The following TMEM232 variants were observed in gnomAD, a reference collection of about 807,000 sequenced individuals.
TMEM232 encodes transmembrane protein 232.
TMEM232 carries 80 observed loss-of-function variants against 78.8 expected under a neutral mutation model. The observed-to-expected ratio is 1.01, with a 90% CI of 0.85 to 1.22. The LOEUF (loss-of-function observed/expected upper bound fraction) is 1.22, where lower values mean the gene tolerates loss of function less well. TMEM232 is among the 50% of genes most tolerant of loss of function. TMEM232 has a pLI of 0.00. For missense variants in TMEM232, 881 were observed against 742.2 expected (o/e 1.19, Z -2.17); for synonymous variants, 297 against 254.3 (o/e 1.17, Z -1.60).
intron 11 of TMEM232, among the ~76,000 whole-genome samples, chr5:110,543,549 C>T (rs1457239153): frequency 6.6e-6 from 1 of 152,120 alleles, no homozygotes; most frequent in Non-Finnish European, 1.5e-5. Context: ...TTAACTTCTC[C>T]AGGACTGTTT....
At chr5:110,505,518 T>C (rs1192689730) in intron 12 of TMEM232, among the ~76,000 whole-genome samples, 6 of 152,190 alleles carry the variant, frequency 3.9e-5, no homozygotes, top group Non-Finnish European at 1.5e-5. Context: ...TTTCCTTTTT[T>C]CTTTTTGAAA....
At chr5:110,653,858 G>C (rs998326807) in intron 2 of TMEM232, among the ~76,000 whole-genome samples, 1 of 152,166 alleles carries the variant, frequency 6.6e-6, no homozygotes, top group Non-Finnish European at 1.5e-5. Flanking sequence ...TGTAAGTCAA[G>C]CATGAGGAAA....
chr5:110,431,524 T>A lies in TMEM232; in HGVS notation c.1704-6608A>T, dbSNP rs1358373538. On this transcript the variant is annotated intron_variant, in intron 12 of 13. Transcript: ENST00000455884. ...AACCAGGAGTCTTTGTCATTTTTAA[T>A]ACAAAAAATCCAGAATTCAATAAAA... Among the ~76,000 whole-genome samples, 3 of 151,732 alleles carry A rather than the reference T, an allele frequency of 2.0e-5. No individual in the cohort carries two copies. In the East Asian group the frequency reaches 5.8e-4, roughly 29 times the overall value.
chr5:110,442,390 G>A (rs902362239), intron 12 of TMEM232, among the ~76,000 whole-genome samples: 1 of 151,356 alleles, frequency 6.6e-6, no homozygotes, highest in Non-Finnish European at 1.5e-5. Context: ...TCTTCTGCTT[G>A]ATCAGTTCTG....
At chr5:110,485,713 T>C (rs1343991798) in intron 12 of TMEM232, among the ~76,000 whole-genome samples, 1 of 152,170 alleles carries the variant, frequency 6.6e-6, no homozygotes, top group Non-Finnish European at 1.5e-5. Flanking sequence ...ACTTGTTGAT[T>C]GATGGGCACT....
In TMEM232 at chr5:110,642,139, C is replaced by A. The variant is rs1786818266; in HGVS notation, c.237+121G>T. Reference sequence around the variant, plus strand: ...TAATTTGCATTAATATTTTAACTATCCCTACTTATAATTAAAGAAAGATAT... The same window carrying A: ...TAATTTGCATTAATATTTTAACTATACCTACTTATAATTAAAGAAAGATAT... On this transcript the variant is annotated intron_variant, in intron 3 of 13. Coordinates refer to ENST00000455884, the MANE Select transcript of TMEM232 (RefSeq NM_001039763.4). The A allele has an allele frequency of 1.3e-5, 7 of 553,370 alleles. No homozygotes were observed. In the South Asian group the frequency reaches 1.4e-4, roughly 11 times the overall value. The allele number at this position is 553,370 out of a possible 1,614,324, so 34.3% of individuals were successfully genotyped here.
In TMEM232 at chr5:110,420,643, T is replaced by C. The variant is rs1485061716; in HGVS notation, c.1911A>G (p.Arg637=). 1 of 1,525,826 alleles carries C rather than the reference T, an allele frequency of 6.6e-7. No individual in the cohort carries two copies. Among genetic ancestry groups the C allele is most frequent in the Non-Finnish European group, 8.7e-7 (1 of 1,143,874 alleles). The allele number at this position is 1,525,826 out of a possible 1,614,324, so 94.5% of individuals were successfully genotyped here. A position where few individuals can be genotyped will look rare whatever the true frequency, so the allele number is the denominator to read the frequency against. ...TGGTTTGCTTATGTAGTTTCTCTTCTCTTTTCTTCATAACTTCTTGAAAGT... is the reference window on the plus strand; with the variant it reads ...TGGTTTGCTTATGTAGTTTCTCTTCCCTTTTCTTCATAACTTCTTGAAAGT... The part of the protein sequence containing the change: ...KNHFQEVMKK[R]EEKLHKQTKP... The change falls in exon 14 of 14, where the codon AGA becomes AGG. Residue 637 remains arginine (R), a synonymous_variant. Transcript: ENST00000455884.
chr5:110,406,132 T>C (rs957261043), intron 2 of TMEM232, among the ~76,000 whole-genome samples: 11 of 151,910 alleles, frequency 7.2e-5, no homozygotes, highest in African/African-American at 2.7e-4. Context: ...CATCTAAATA[T>C]TGGTAAAGAT....
intron 7 of TMEM232, among the ~76,000 whole-genome samples, chr5:110,620,798 G>A (rs1021305624): frequency 6.7e-6 from 1 of 149,346 alleles, no homozygotes; most frequent in Admixed American, 6.7e-5. Flanking sequence ...CCACACCTGC[G>A]AATTTTCCAG....
rs1478261096 is a variant in TMEM232, at chr5:110,640,946, AG to A, written c.287del (p.Pro96LeufsTer7). On this transcript the variant is annotated frameshift_variant, in exon 4 of 14. Coordinates refer to ENST00000455884, the MANE Select transcript of TMEM232 (RefSeq NM_001039763.4). LOFTEE classifies it high-confidence loss of function. ...TLGSGRHVHL[P>X]AAWTEVIYLA... ...GATATATTACTTCAGTCCATGCAGC[AG>A]GAAGATGCACATGCCTTCCAGAGCC... The A allele has an allele frequency of 6.5e-7, 1 of 1,541,172 alleles. No individual in the cohort carries two copies. Among genetic ancestry groups the A allele is most frequent in the East Asian group, 2.5e-5 (1 of 40,326 alleles).
intron 12 of TMEM232, among the ~76,000 whole-genome samples, chr5:110,484,415 GAACA>G (rs1426978807): frequency 6.6e-6 from 1 of 151,420 alleles, no homozygotes; most frequent in Non-Finnish European, 1.5e-5. Flanking sequence ...ATACAAAGAG[GAACA>G]AAAAGACATA....
chr5:110,399,026 A>C (rs1057266675), intron 2 of TMEM232, among the ~76,000 whole-genome samples: 1 of 152,040 alleles, frequency 6.6e-6, no homozygotes, highest in Non-Finnish European at 1.5e-5. Context: ...CAGCCCTCCA[A>C]ATATTCTGTG....
downstream of TMEM232, among the ~76,000 whole-genome samples, chr5:110,416,373 T>C (rs575978661): frequency 2.5e-4 from 38 of 152,360 alleles, no homozygotes; most frequent in East Asian, 2.3e-3. Context: ...ACAAGTGTCA[T>C]TGATTAATCA....
At chr5:110,466,250 A>C (rs1278935417) in intron 12 of TMEM232, among the ~76,000 whole-genome samples, 3 of 152,216 alleles carry the variant, frequency 2.0e-5, no homozygotes, top group African/African-American at 7.2e-5. Context: ...CACATAAACC[A>C]AATTTTTGAA....
At chr5:110,602,689 TTGG>T (rs1208036056) in intron 10 of TMEM232, among the ~76,000 whole-genome samples, 1 of 152,124 alleles carries the variant, frequency 6.6e-6, no homozygotes, top group Non-Finnish European at 1.5e-5. Flanking sequence ...TTTTACACTG[TTGG>T]TGGGAGTGTA....
chr5:110,718,631 A>AT (rs201808471), intron 1 of TMEM232, among the ~76,000 whole-genome samples: 8 of 150,916 alleles, frequency 5.3e-5, no homozygotes, highest in African/African-American at 9.7e-5. Context: ...GTGAAGATTA[A>AT]TTTTTTTTTA....
chr5:110,655,911 TG>T (rs71626632), intron 2 of TMEM232, among the ~76,000 whole-genome samples: 2 of 63,340 alleles, frequency 3.2e-5, no homozygotes, highest in African/African-American at 6.7e-5. Context: ...TGTTGTGGGG[TG>T]GGGGGAGGGG....
chr5:110,612,690 T>G (rs1243797752), intron 8 of TMEM232, among the ~76,000 whole-genome samples: 1 of 152,156 alleles, frequency 6.6e-6, no homozygotes, highest in Non-Finnish European at 1.5e-5. Flanking sequence ...TTGTCAAGCT[T>G]TTTTTTGGAA....
At chr5:110,587,675 ATATATATATATATATATGTGTG>A (rs1465592417) in intron 10 of TMEM232, among the ~76,000 whole-genome samples, 3 of 94,178 alleles carry the variant, frequency 3.2e-5, no homozygotes, top group African/African-American at 1.6e-4. Context: ...ATATATATAT[ATATATATATATATATATGTGTG>A]TGTGTGTGTG....
Sources: allele counts gnomAD v4.1 joint callset (sites outside exome capture counted in the v4.1 genomes callset), GRCh38; gene constraint gnomAD v4.1.1; transcripts MANE v1.5; gene names NCBI Gene and HGNC (gene_info 2026-07-23, HGNC 2026-07-21).